DENND4C: variants seen among roughly 807,000 people sequenced by gnomAD.
DENND4C encodes DENN domain containing 4C.
Under a neutral mutation model 203.0 loss-of-function variants are expected in DENND4C, and 108 were observed. The observed-to-expected ratio is 0.53, with a 90% confidence interval of 0.46 to 0.62. DENND4C has a LOEUF of 0.62. Among genes scored for constraint, DENND4C ranks in the 20% least tolerant of loss-of-function variants. The pLI, the probability that DENND4C is intolerant of heterozygous loss-of-function variation, is 0.00. For synonymous variants in DENND4C, 871 were observed against 792.4 expected (o/e 1.10, Z -1.67); for missense variants, 2,481 against 2,301.2 (o/e 1.08, Z -1.60).
chr9:19,289,949 T>C (rs1266341390), intron 4 of DENND4C, among the ~76,000 whole-genome samples: 1 of 152,166 alleles, frequency 6.6e-6, no homozygotes, highest in Non-Finnish European at 1.5e-5. Flanking sequence ...AAAAAACTTA[T>C]AGAAAGAAAC....
intron 2 of DENND4C, among the ~76,000 whole-genome samples, chr9:19,283,585 T>TATCAG (rs1834559993): frequency 6.6e-6 from 1 of 151,484 alleles, no homozygotes; most frequent in South Asian, 2.1e-4. Flanking sequence ...TTATCTTATA[T>TATCAG]ATCAGATGCA....
intron 7 of DENND4C, among the ~76,000 whole-genome samples, chr9:19,298,777 C>T (rs1426320305): frequency 6.6e-6 from 1 of 152,034 alleles, no homozygotes; most frequent in Non-Finnish European, 1.5e-5. Flanking sequence ...TAGAGGGAAG[C>T]CATTTAAAAG....
chr9:19,261,750 C>T (rs1829412271), intron 1 of DENND4C, among the ~76,000 whole-genome samples: 2 of 152,088 alleles, frequency 1.3e-5, no homozygotes, highest in Middle Eastern at 3.4e-3. Context: ...AGCAGTCTTC[C>T]CACCTTGGCT....
intron 1 of DENND4C, among the ~76,000 whole-genome samples, chr9:19,255,993 T>C (rs1827822686): frequency 1.3e-5 from 2 of 152,016 alleles, no homozygotes; most frequent in Non-Finnish European, 2.9e-5. Context: ...ATCCCAGCAC[T>C]TTGGGAGGCC....
intron 10 of DENND4C, among the ~76,000 whole-genome samples, chr9:19,312,960 C>T (rs1223176591): frequency 6.6e-6 from 1 of 152,068 alleles, no homozygotes; most frequent in Non-Finnish European, 1.5e-5. Flanking sequence ...TCCAATCTAA[C>T]ATTTGTCTTT....
chr9:19,341,237 T>A, intron 21 of DENND4C, 123 bp downstream of exon 21: 1 of 720,426 alleles, frequency 1.4e-6, no homozygotes, highest in Non-Finnish European at 2.1e-6. Context: ...GCTCCTAAGA[T>A]GCTGTGTACT....
intron 17 of DENND4C, among the ~76,000 whole-genome samples, chr9:19,334,450 C>T (rs944913287): frequency 6.6e-6 from 1 of 151,394 alleles, no homozygotes; most frequent in Non-Finnish European, 1.5e-5. Flanking sequence ...GGAACATGGA[C>T]ACATATGTCT....
chr9:19,352,095 C>T lies in DENND4C; in HGVS notation c.4518C>T (p.Gly1506=), dbSNP rs1824277097. 1 of 1,613,618 alleles carries T rather than the reference C, an allele frequency of 6.2e-7. No homozygotes were observed. The highest frequency in any genetic ancestry group is 1.7e-5 in the Admixed American group (1 of 59,992). ...YPTGEVPFPR[G]MKGQDFEKSD... ...TAGGTGAAGTTCCATTTCCAAGAGG[C>T]ATGAAAGGGCAAGACTTTGAAAAAT... is the stretch of plus-strand genomic sequence containing the variant. The change falls in exon 25 of 33, where the codon GGC becomes GGT. Residue 1506 remains glycine, a synonymous_variant. Transcript: ENST00000434457.
rs34768811 is a variant in DENND4C at position 19,362,550 on chromosome 9, TAC to T, written c.5524+603_5524+604del. Among the ~76,000 whole-genome samples, 34 of 150,710 alleles carry T rather than the reference TAC, an allele frequency of 2.3e-4. 2 individuals are homozygous for T. Among genetic ancestry groups the T allele is most frequent in the Admixed American group, 7.9e-4 (12 of 15,096 alleles). On this transcript the variant is annotated intron_variant, in intron 30 of 32. Transcript: ENST00000434457. ...AGTGATTTGCTGTTAAAAAAAAAAG[TAC>T]ACACACACACACACAAATGAAAAAG...
At chr9:19,365,399 C>T (rs1054959756) in intron 30 of DENND4C, among the ~76,000 whole-genome samples, 5 of 152,082 alleles carry the variant, frequency 3.3e-5, no homozygotes, top group East Asian at 1.9e-4. Context: ...GATCTTCCTC[C>T]GCCTGGTAAT....
chr9:19,366,969 C>T (rs1319036758), intron 30 of DENND4C, among the ~76,000 whole-genome samples: 3 of 152,162 alleles, frequency 2.0e-5, no homozygotes, highest in East Asian at 3.9e-4. Flanking sequence ...GGATTTGTAC[C>T]CAGACTATGT....
At chr9:19,280,664 G>C (rs757404593) in intron 2 of DENND4C, among the ~76,000 whole-genome samples, 40 of 151,334 alleles carry the variant, frequency 2.6e-4, no homozygotes, top group Non-Finnish European at 5.2e-4. Context: ...CTTATTTTGT[G>C]TTCCAGCATT....
chr9:19,316,190 T>C (rs528174085), intron 10 of DENND4C, among the ~76,000 whole-genome samples: 9 of 152,290 alleles, frequency 5.9e-5, no homozygotes, highest in South Asian at 2.1e-4. Context: ...AACTCCAACA[T>C]TGAAAATATA....
At chr9:19,296,565 G>A (rs999625491) in intron 6 of DENND4C, among the ~76,000 whole-genome samples, 1 of 151,898 alleles carries the variant, frequency 6.6e-6, no homozygotes, top group African/African-American at 2.4e-5. Flanking sequence ...ATCTTGGCCA[G>A]GCTGGTCTTG....
At chr9:19,286,461 GC>G (rs1835237424) in intron 2 of DENND4C, among the ~76,000 whole-genome samples, 2 of 152,078 alleles carry the variant, frequency 1.3e-5, no homozygotes, top group South Asian at 4.1e-4. Context: ...TTGTGGTGTT[GC>G]CCCTTTCTTT....
rs905404273 is a variant in DENND4C, at chr9:19,268,626, C to T, written c.-17-7532C>T. 1.6e-4 allele frequency among the ~76,000 whole-genome samples: 24 copies of T among 152,190 alleles called. 2 individuals carry two copies. Among genetic ancestry groups the T allele is most frequent in the Admixed American group, 4.6e-4 (7 of 15,272 alleles). On this transcript the variant is annotated intron_variant, in intron 1 of 32. Coordinates refer to ENST00000434457, the MANE Select transcript of DENND4C (RefSeq NM_001330640.2). ...TCCTGTAGGACAGGTCTGGTGTTGA[C>T]GAAATCCCTCAGCTTTTGTTTGTTT...
chr9:19,344,368 A>T (rs528394219), intron 22 of DENND4C, among the ~76,000 whole-genome samples: 31 of 152,354 alleles, frequency 2.0e-4, no homozygotes, highest in African/African-American at 7.5e-4. Flanking sequence ...TCAGTGGCTC[A>T]TGCCTGTAAT....
At chr9:19,304,867 A>G (rs1180332211) in intron 9 of DENND4C, among the ~76,000 whole-genome samples, 2 of 148,930 alleles carry the variant, frequency 1.3e-5, no homozygotes, top group African/African-American at 5.0e-5. Flanking sequence ...TTTTTTGTTG[A>G]GCTCTTTAAT....
intron 10 of DENND4C, among the ~76,000 whole-genome samples, chr9:19,312,211 C>G (rs1298688703): frequency 1.3e-5 from 2 of 152,198 alleles, no homozygotes; most frequent in Non-Finnish European, 2.9e-5. Context: ...TCAAGCAATT[C>G]TTATGCCTCA....
Sources: allele counts gnomAD v4.1 joint callset (sites outside exome capture counted in the v4.1 genomes callset), GRCh38; gene constraint gnomAD v4.1.1; transcripts MANE v1.5; gene names NCBI Gene and HGNC (gene_info 2026-07-23, HGNC 2026-07-21).